The following SOX5 variants were observed in gnomAD, a reference collection of about 807,000 sequenced individuals.
SOX5 encodes the protein SRY-box transcription factor 5.
In SOX5, 9 loss-of-function variants were observed where a neutral mutation model predicts 92.0. That is an observed-to-expected ratio of 0.10 (90% CI 0.06 to 0.17). SOX5 has a LOEUF of 0.17. Among genes scored for constraint, SOX5 ranks in the 10% least tolerant of loss-of-function variants. The probability of loss-of-function intolerance (pLI) is 1.00; values close to 1 mark genes in which losing one functional copy is unlikely to be tolerated. For synonymous variants in SOX5, 344 were observed against 336.3 expected, an observed-to-expected ratio of 1.02 and a Z score of -0.25; for missense variants, 642 against 944.5, an observed-to-expected ratio of 0.68 and a Z score of 4.20.
At chr12:23,989,334 G>GTGAGCTGA (rs1259782086) in intron 4 of SOX5, among the ~76,000 whole-genome samples, 1 of 152,080 alleles carries the variant, frequency 6.6e-6, no homozygotes, top group Non-Finnish European at 1.5e-5. Flanking sequence ...AGAGGTTGCA[G>GTGAGCTGA]TGAGCTGAGA....
At chr12:23,838,483 A>T (rs991253624) in intron 3 of SOX5, among the ~76,000 whole-genome samples, 1 of 151,950 alleles carries the variant, frequency 6.6e-6, no homozygotes, top group Non-Finnish European at 1.5e-5. Flanking sequence ...ACATCAATGC[A>T]TCTTAGTGGT....
At chr12:24,204,739 C>A (rs1190080154) in intron 4 of SOX5, among the ~76,000 whole-genome samples, 4 of 152,172 alleles carry the variant, frequency 2.6e-5, no homozygotes, top group Non-Finnish European at 5.9e-5. Context: ...ACATCACCAA[C>A]TTCTCTCCCA....
At chr12:23,594,443 G>A (rs930423966) in intron 9 of SOX5, among the ~76,000 whole-genome samples, 2 of 152,082 alleles carry the variant, frequency 1.3e-5, no homozygotes, top group African/African-American at 4.8e-5. Flanking sequence ...CTCTCCAACA[G>A]CAACATCCAG....
intron 2 of SOX5, among the ~76,000 whole-genome samples, chr12:24,348,913 T>C (rs1232794364): frequency 6.6e-6 from 1 of 152,208 alleles, no homozygotes; most frequent in African/African-American, 2.4e-5. Context: ...ATGTAAGACA[T>C]GCCTTTGCTC....
intron 6 of SOX5, among the ~76,000 whole-genome samples, chr12:23,675,224 ATT>A (rs1262047314): frequency 1.3e-5 from 2 of 152,098 alleles, no homozygotes; most frequent in African/African-American, 4.8e-5. Context: ...TGAGCTTTTG[ATT>A]ATTATATCTT....
chr12:23,823,263 C>CT (rs1280593683), intron 3 of SOX5, among the ~76,000 whole-genome samples: 3 of 152,022 alleles, frequency 2.0e-5, no homozygotes, highest in African/African-American at 7.2e-5. Context: ...CCCATTTTTC[C>CT]TTTTCAAATT....
intron 4 of SOX5, among the ~76,000 whole-genome samples, chr12:24,075,301 AAAGTC>A (rs1942418380): frequency 6.7e-6 from 1 of 149,334 alleles, no homozygotes; most frequent in Non-Finnish European, 1.5e-5. Context: ...AAAAAAAAAA[AAAGTC>A]AGTGCCAGTC....
intron 4 of SOX5, among the ~76,000 whole-genome samples, chr12:24,201,200 A>C (rs1249276173): frequency 6.6e-6 from 1 of 152,192 alleles, no homozygotes; most frequent in Non-Finnish European, 1.5e-5. Context: ...ATGTACTGTA[A>C]GAGTTATATA....
chr12:24,000,579 G>A (rs949189106), intron 4 of SOX5, among the ~76,000 whole-genome samples: 5 of 152,130 alleles, frequency 3.3e-5, no homozygotes, highest in South Asian at 4.2e-4. Context: ...TGTATAGTAA[G>A]TAAAGGAATT....
rs1049835717 is a variant in SOX5 at position 23,999,563 on chromosome 12, C to T, written c.-1-103539G>A. Among the ~76,000 whole-genome samples, 4 of 151,906 alleles carry T rather than the reference C, an allele frequency of 2.6e-5. 1 individual carries two copies. Among genetic ancestry groups the T allele is most frequent in the Non-Finnish European group, 5.9e-5 (4 of 67,968 alleles). ...CATATATCAAAAATCACACTGTACA[C>T]CTAGAATATATTCAATTTTTATTTG... On this transcript the variant is annotated intron_variant, in intron 4 of 4. Transcript: ENST00000446891.
intron 1 of SOX5, among the ~76,000 whole-genome samples, chr12:24,504,812 C>T (rs967140693): frequency 6.6e-6 from 1 of 152,196 alleles, no homozygotes; most frequent in African/African-American, 2.4e-5. Context: ...ACCTAGCACA[C>T]TGATCCTAAA....
chr12:23,979,273 G>C (rs1949248875), intron 4 of SOX5, among the ~76,000 whole-genome samples: 2 of 152,108 alleles, frequency 1.3e-5, no homozygotes, highest in Admixed American at 1.3e-4. Context: ...AGCCAGGCTG[G>C]AGTGCAATGG....
chr12:23,582,180 G>C, intron 9 of SOX5: 1 of 985,258 alleles, frequency 1.0e-6, no homozygotes, highest in Non-Finnish European at 1.2e-6. Context: ...CTTGTGTGCA[G>C]CACTCATCCT....
intron 2 of SOX5, among the ~76,000 whole-genome samples, chr12:24,339,065 C>A (rs1284169091): frequency 6.6e-6 from 1 of 151,902 alleles, no homozygotes; most frequent in African/African-American, 2.4e-5. Flanking sequence ...AAGAAGCCAG[C>A]TTCCCTCTTT....
chr12:23,873,711 CT>C (rs1348872884), intron 2 of SOX5, among the ~76,000 whole-genome samples: 6 of 152,066 alleles, frequency 3.9e-5, no homozygotes, highest in Non-Finnish European at 2.9e-5. Context: ...AGAGCATTTT[CT>C]TTTCTTTGCC....
intron 1 of SOX5, among the ~76,000 whole-genome samples, chr12:24,490,723 C>A (rs149961377): frequency 6.6e-6 from 1 of 152,044 alleles, no homozygotes; most frequent in Non-Finnish European, 1.5e-5. Flanking sequence ...ACATGAAGAG[C>A]TCCAAAATCC....
intron 1 of SOX5, among the ~76,000 whole-genome samples, chr12:24,541,633 AG>A (rs1473361108): frequency 6.6e-6 from 1 of 152,196 alleles, no homozygotes; most frequent in Non-Finnish European, 1.5e-5. Flanking sequence ...GTTAATTTTT[AG>A]ACTCACAGGG....
At chr12:24,256,339 G>A (rs1312917340) in intron 3 of SOX5, among the ~76,000 whole-genome samples, 1 of 152,172 alleles carries the variant, frequency 6.6e-6, no homozygotes, top group Non-Finnish European at 1.5e-5. Context: ...AGTCTGAAGG[G>A]ACTGAAAAAT....
At chr12:23,821,541 G>A (rs181928279) in intron 3 of SOX5, among the ~76,000 whole-genome samples, 9 of 152,284 alleles carry the variant, frequency 5.9e-5, no homozygotes, top group African/African-American at 2.2e-4. Flanking sequence ...TGCCCATTCA[G>A]TATATGGGCT....
Sources: allele counts gnomAD v4.1 joint callset (sites outside exome capture counted in the v4.1 genomes callset), GRCh38; gene constraint gnomAD v4.1.1; transcripts MANE v1.5; gene names NCBI Gene and HGNC (gene_info 2026-07-23, HGNC 2026-07-21).